IGSF9B: variants seen among roughly 807,000 people sequenced by gnomAD.
The protein encoded by IGSF9B is protein turtle homolog B.
A neutral mutation model predicts 143.7 loss-of-function variants in IGSF9B; 48 were observed. That is an observed-to-expected ratio of 0.33 (90% CI 0.26 to 0.42). The LOEUF (loss-of-function observed/expected upper bound fraction) is 0.42, where lower values mean the gene tolerates loss of function less well. IGSF9B is among the 20% of genes least tolerant of loss of function. The pLI is 1.00. For synonymous variants in IGSF9B, 903 were observed against 833.1 expected, an observed-to-expected ratio of 1.08 and a Z score of -1.44; for missense variants, 1,706 against 1,980.0, an observed-to-expected ratio of 0.86 and a Z score of 2.63.
intron 18 of IGSF9B, among the ~76,000 whole-genome samples, chr11:133,915,545 CT>C (rs1238024126): frequency 3.3e-5 from 5 of 152,232 alleles, no homozygotes; most frequent in African/African-American, 1.2e-4. Flanking sequence ...AGCCCACACT[CT>C]TTTTCTCTCT....
At chr11:133,916,283 AAGG>A (rs770866332) in intron 18 of IGSF9B, among the ~76,000 whole-genome samples, 56 of 152,254 alleles carry the variant, frequency 3.7e-4, no homozygotes, top group African/African-American at 1.3e-3. Flanking sequence ...GGGAGAGAGA[AAGG>A]AGGAGAGGCA....
chr11:133,911,975 G>A lies in IGSF9B; in HGVS notation c.4016C>T (p.Ala1339Val), dbSNP rs769881059. 59 of 1,534,232 alleles carry A rather than the reference G, an allele frequency of 3.8e-5. No individual in the cohort carries two copies. The highest frequency in any genetic ancestry group is 9.6e-5 in the African/African-American group (7 of 72,888). ...TTTCAGAGCCTCCAGCCTCTCAGGC[G>A]CAGCAGCGTTCCCGGGTGCAGGTGG... ...TLPPAPGNAA[A>V]PERLEALKYQ... Residue 1339 changes from alanine to valine, a missense_variant, in exon 19 of 20, where the codon GCG becomes GTG. Ala to Val is a moderately conservative substitution (Grantham distance 64). Coordinates refer to ENST00000533871, the MANE Select transcript of IGSF9B (RefSeq NM_001277285.4).
At chr11:133,922,773 G>A (rs186641168) in intron 15 of IGSF9B, 43 bp from the exon 16 acceptor site, 74 of 1,513,992 alleles carry the variant, frequency 4.9e-5, no homozygotes, top group Middle Eastern at 4.7e-4. Flanking sequence ...ATCCTTCCCC[G>A]GGACCTCACC....
intron 18 of IGSF9B, among the ~76,000 whole-genome samples, chr11:133,918,149 G>A (rs554800267): frequency 5.9e-5 from 9 of 152,060 alleles, no homozygotes; most frequent in African/African-American, 2.2e-4. Flanking sequence ...GCCACCCCAC[G>A]GGGCGGTGAG....
At position 133,901,887 on chromosome 11, in the gene IGSF9B, CA is replaced by C. The variant is rs1565409528; in HGVS notation, c.*7181del. Among the ~76,000 whole-genome samples the C allele has an allele frequency of 7.1e-3, 1,015 of 143,364 alleles. 8 individuals are homozygous for C. The highest frequency in any genetic ancestry group is 0.027 in the African/African-American group (972 of 36,662). 94.1% of individuals were successfully genotyped at this position (143,364 alleles called of 152,430 possible). ...GCACCACACACGCACCACACACACACACAACACACACACAACACACCACACA... is the reference window on the plus strand; with the variant it reads ...GCACCACACACGCACCACACACACACCAACACACACACAACACACCACACA... On this transcript the variant is annotated 3_prime_UTR_variant, in exon 20 of 20. Coordinates refer to ENST00000533871, the MANE Select transcript of IGSF9B (RefSeq NM_001277285.4).
At position 133,945,673 on chromosome 11, in the gene IGSF9B, G is replaced by A. The variant is rs540900879; in HGVS notation, c.262+388C>T. Among the ~76,000 whole-genome samples the A allele has an allele frequency of 2.6e-5, 4 of 152,258 alleles. No individual in the cohort carries two copies. The highest frequency in any genetic ancestry group is 5.9e-5 in the Non-Finnish European group (4 of 68,028). On this transcript the variant is annotated intron_variant, in intron 2 of 19. Coordinates refer to ENST00000533871, the MANE Select transcript of IGSF9B (RefSeq NM_001277285.4). The surrounding 1 kb of genome is among the most constrained non-coding windows in gnomAD (Gnocchi z 4.6). ...AAAGATTCATCCATACACTCAGGAC[G>A]GGAAGGCGCCCCGACTTCAGAGCCA... is the stretch of plus-strand genomic sequence containing the variant.
At chr11:133,923,076 G>A in intron 15 of IGSF9B, among the ~76,000 whole-genome samples, 1 of 152,328 alleles carries the variant, frequency 6.6e-6, no homozygotes, top group East Asian at 1.9e-4. Flanking sequence ...TTAACCCCAT[G>A]AGCTACACAG....
intron 5 of IGSF9B, among the ~76,000 whole-genome samples, 179 bp downstream of exon 5, chr11:133,937,197 G>A (rs956089898): frequency 2.0e-5 from 3 of 152,158 alleles, no homozygotes; most frequent in African/African-American, 7.2e-5. Context: ...CCAGGCAGCC[G>A]GTGCAGGAGC....
intron 1 of IGSF9B, among the ~76,000 whole-genome samples, chr11:133,955,386 C>A (rs980558615): frequency 5.3e-5 from 8 of 152,232 alleles, no homozygotes; most frequent in Non-Finnish European, 1.0e-4. Flanking sequence ...GACACCACCA[C>A]CCCCCTCAGA....
In IGSF9B at chr11:133,924,899, C is replaced by G; in HGVS notation, c.2040G>C (p.Thr680=). ...EFFAKDLSQD[T]WYEFRVLAVM... is the part of the protein sequence containing the mutation. ...CGGCCAGAACCCGGAACTCATACCA[C>G]GTGTCCTGCAGCCCCAGGGACAATA... Residue 680 remains threonine, a synonymous_variant, in exon 15 of 20, where the codon ACG becomes ACC. Coordinates refer to ENST00000533871, the MANE Select transcript of IGSF9B (RefSeq NM_001277285.4). 6.2e-7 allele frequency: 1 copy of G among 1,613,536 alleles called. No homozygotes were observed. Among genetic ancestry groups the G allele is most frequent in the Middle Eastern group, 1.7e-4 (1 of 6,060 alleles).
chr11:133,920,716 G>A lies in IGSF9B; in HGVS notation c.3009C>T (p.Thr1003=), dbSNP rs773961233. The change falls in exon 18 of 20, where the codon ACC becomes ACT. Residue 1003 remains threonine, a synonymous_variant. Transcript: ENST00000533871. The stretch of plus-strand genomic sequence containing the variant: ...TGGTGGGGTGGCCAAAGGGCCCCTC[G>A]GTGGGCAGGGGCGGGGACGACATGA... The part of the protein sequence containing the change: ...SSVMSSPPLP[T]EGPFGHPTIP... 30 of 1,612,922 alleles carry A rather than the reference G, an allele frequency of 1.9e-5. No individual in the cohort carries two copies. Among genetic ancestry groups the A allele is most frequent in the Admixed American group, 1.7e-4 (10 of 60,000 alleles).
At chr11:133,927,910 T>G (rs573899146) in intron 12 of IGSF9B, among the ~76,000 whole-genome samples, 240 of 152,138 alleles carry the variant, frequency 1.6e-3, no homozygotes, top group African/African-American at 5.6e-3. Context: ...GAGGGTGAGA[T>G]GAGGCAGCGG....
chr11:133,919,125 G>GGGGGGGGGGA, intron 18 of IGSF9B: 1 of 345,288 alleles, frequency 2.9e-6, no homozygotes, highest in South Asian at 1.9e-5. Flanking sequence ...ATACGGGGGG[G>GGGGGGGGGGA]GGGTGGGGGA....
At position 133,907,756 on chromosome 11, in the gene IGSF9B, G is replaced by A. The variant is rs957038064; in HGVS notation, c.*1313C>T. Among the ~76,000 whole-genome samples, 1 of 152,184 alleles carries A rather than the reference G, an allele frequency of 6.6e-6. No homozygotes were observed. The highest frequency in any genetic ancestry group is 2.4e-5 in the African/African-American group (1 of 41,458). On this transcript the variant is annotated 3_prime_UTR_variant, in exon 20 of 20. Coordinates refer to ENST00000533871, the MANE Select transcript of IGSF9B (RefSeq NM_001277285.4). ...CCTTCATTCCTACGCCTCAGCCACAGAATAGAACTGGGCAAAGAGGGCAGG... is the reference window on the plus strand; with the variant it reads ...CCTTCATTCCTACGCCTCAGCCACAAAATAGAACTGGGCAAAGAGGGCAGG...
At position 133,908,135 on chromosome 11, in the gene IGSF9B, G is replaced by C. The variant is rs1255402982; in HGVS notation, c.*934C>G. 1.3e-5 allele frequency among the ~76,000 whole-genome samples: 2 copies of C among 152,212 alleles called. No homozygotes were observed. The highest frequency in any genetic ancestry group is 4.8e-5 in the African/African-American group (2 of 41,454). ...GAGCTCACGGCCTGGCTGGGCGGAA[G>C]GGCGCCGACGGATGCGCTGGACATG... On this transcript the variant is annotated 3_prime_UTR_variant, in exon 20 of 20. Transcript: ENST00000533871.
chr11:133,922,714 C>T lies in IGSF9B; in HGVS notation c.2136G>A (p.Pro712=), dbSNP rs778646110. The T allele has an allele frequency of 1.1e-5, 18 of 1,572,558 alleles. No individual in the cohort carries two copies. Among genetic ancestry groups the T allele is most frequent in the South Asian group, 1.1e-4 (9 of 85,628 alleles). The change falls in exon 16 of 20, where the codon CCG becomes CCA. Residue 712 remains proline (P), a synonymous_variant. Transcript: ENST00000533871. ...GCGCCAGCCCATCCTCGGTCAGGTC[C>T]GGCTGCGGGAAGATGTCTGCAGGGA... The part of the protein sequence containing the change: ...GVSSTDIFPQ[P]DLTEDGLARP...
At chr11:133,932,338 A>G in intron 7 of IGSF9B, 125 bp from the exon 8 acceptor site, 1 of 915,778 alleles carries the variant, frequency 1.1e-6, no homozygotes, top group Non-Finnish European at 1.7e-6. Context: ...GAGAGCAGAC[A>G]GACAGACAGA....
rs1939082864 is a variant in IGSF9B, at chr11:133,899,542, G to A, written c.*9527C>T. On this transcript the variant is annotated 3_prime_UTR_variant, in exon 20 of 20. Transcript: ENST00000533871. ...AATGAAGAGTCCTGTTGGAGGCTGA[G>A]GAATAGAATGGTGACATGTGGGCCA... The A allele has an allele frequency of 6.6e-6, 1 of 152,486 alleles. No homozygotes were observed. The highest frequency in any genetic ancestry group is 1.5e-5 in the Non-Finnish European group (1 of 68,246). The allele number at this position is 152,486 out of a possible 1,614,324, so 9.4% of individuals were successfully genotyped here.
chr11:133,918,510 C>A (rs1009487112), intron 18 of IGSF9B, among the ~76,000 whole-genome samples: 33 of 152,230 alleles, frequency 2.2e-4, no homozygotes, highest in African/African-American at 7.2e-4. Context: ...ACAGGGCGGC[C>A]GCGGCACCTC....
Sources: allele counts gnomAD v4.1 joint callset (sites outside exome capture counted in the v4.1 genomes callset), GRCh38; gene constraint gnomAD v4.1.1; non-coding constraint Gnocchi (gnomAD v3.1); transcripts MANE v1.5; gene names NCBI Gene and HGNC (gene_info 2026-07-23, HGNC 2026-07-21).